The following IPO9 variants were observed in gnomAD, a reference collection of about 807,000 sequenced individuals.
IPO9 encodes the protein importin-9.
Under a neutral mutation model 128.6 loss-of-function variants are expected in IPO9, and 28 were observed. The ratio of observed to expected loss-of-function variants is 0.22; its 90% confidence interval spans 0.16 to 0.30. The LOEUF (loss-of-function observed/expected upper bound fraction) is 0.30, where lower values mean the gene tolerates loss of function less well. Ranked by LOEUF, IPO9 falls within the 10% of genes least tolerant of loss-of-function variation. The pLI is 1.00. For synonymous variants in IPO9, 455 were observed against 475.8 expected, an observed-to-expected ratio of 0.96 and a Z score of 0.57; for missense variants, 935 against 1,293.9, an observed-to-expected ratio of 0.72 and a Z score of 4.26.
At position 201,868,775 on chromosome 1, in the gene IPO9, G is replaced by A; in HGVS notation, c.1983G>A (p.Lys661=). ...GCATAATGCAGGCCCCAGCAGACAA[G>A]ATTCCTGCAGGGCTTTGTGCGGTAA... is the stretch of plus-strand genomic sequence containing the variant. ...LVSIMQAPAD[K]IPAGLCATAI... is the part of the protein sequence containing the mutation. The change falls in exon 16 of 24, where the codon AAG becomes AAA. Residue 661 remains lysine (K), a synonymous_variant. Coordinates refer to ENST00000361565, the MANE Select transcript of IPO9 (RefSeq NM_018085.5). 1 of 1,612,820 alleles carries A rather than the reference G, an allele frequency of 6.2e-7. No individual in the cohort carries two copies. The highest frequency in any genetic ancestry group is 8.5e-7 in the Non-Finnish European group (1 of 1,179,658).
At chr1:201,847,437 C>T in intron 2 of IPO9, 97 bp downstream of exon 2, 2 of 1,363,374 alleles carry the variant, frequency 1.5e-6, no homozygotes, top group Non-Finnish European at 2.1e-6. Flanking sequence ...TATAAATAAC[C>T]TAGGATGTTG....
At chr1:201,847,704 T>C in intron 3 of IPO9, 66 bp downstream of exon 3, 1 of 1,119,560 alleles carries the variant, frequency 8.9e-7, no homozygotes, top group South Asian at 1.3e-5. Context: ...GATTAGACTA[T>C]AACATTCTTT....
chr1:201,836,728 T>G (rs1679948183), intron 1 of IPO9, among the ~76,000 whole-genome samples: 1 of 152,222 alleles, frequency 6.6e-6, no homozygotes, highest in African/African-American at 2.4e-5. Context: ...TTGGGTTAAG[T>G]AAAAGAATTT....
chr1:201,875,952 C>T lies in IPO9; in HGVS notation c.3024C>T (p.Leu1008=). 6.2e-7 allele frequency: 1 copy of T among 1,607,272 alleles called. No homozygotes were observed. The highest frequency in any genetic ancestry group is 1.1e-5 in the South Asian group (1 of 90,978). Residue 1008 remains leucine, a synonymous_variant, in exon 24 of 24, where the codon CTC becomes CTT. Transcript: ENST00000361565. ...PLYQIDLQAY[L]TDFLCQFAQQ... ...CTTGCTCTTTCCTCCAGGCATATCTCACAGATTTCCTCTGCCAGTTTGCTC... is the reference window on the plus strand; with the variant it reads ...CTTGCTCTTTCCTCCAGGCATATCTTACAGATTTCCTCTGCCAGTTTGCTC...
At chr1:201,863,266 T>C in intron 13 of IPO9, 182 bp from the exon 14 acceptor site, 2 of 423,654 alleles carry the variant, frequency 4.7e-6, no homozygotes, top group Non-Finnish European at 4.2e-6. Flanking sequence ...GCAGGACAGT[T>C]GCTTGAACCC....
chr1:201,846,861 G>A (rs928923922), intron 1 of IPO9, among the ~76,000 whole-genome samples: 2 of 152,116 alleles, frequency 1.3e-5, no homozygotes, highest in Admixed American at 1.3e-4. Context: ...TAGAGATGGG[G>A]TTTCACCATG....
chr1:201,837,516 C>G (rs1044869505), intron 1 of IPO9, among the ~76,000 whole-genome samples: 4 of 152,258 alleles, frequency 2.6e-5, no homozygotes, highest in African/African-American at 9.6e-5. Flanking sequence ...CAGTATTACC[C>G]TACAGCTATA....
intron 1 of IPO9, among the ~76,000 whole-genome samples, chr1:201,838,229 C>T (rs1236519672): frequency 6.6e-6 from 1 of 152,184 alleles, no homozygotes; most frequent in Non-Finnish European, 1.5e-5. Context: ...AGACTTGAAG[C>T]CATGAAGTCT....
At chr1:201,856,660 GT>G (rs901291626) in intron 10 of IPO9, among the ~76,000 whole-genome samples, 1 of 144,386 alleles carries the variant, frequency 6.9e-6, no homozygotes, top group Non-Finnish European at 1.5e-5. Context: ...TAGAGTTTTT[GT>G]TTCAGTTTTT....
intron 22 of IPO9, 97 bp from the exon 23 acceptor site, chr1:201,875,055 T>C: frequency 7.2e-7 from 1 of 1,380,256 alleles, no homozygotes; most frequent in South Asian, 1.2e-5. Flanking sequence ...CTTGGGCTTT[T>C]GCACCTTCCG....
rs1680797126 is a variant in IPO9 at position 201,877,921 on chromosome 1, C to CT, written c.*1868dup. On this transcript the variant is annotated 3_prime_UTR_variant, in exon 24 of 24. Coordinates refer to ENST00000361565, the MANE Select transcript of IPO9 (RefSeq NM_018085.5). ...CCTGGGCAACAAGAGGAGCGAAACTCTGTCTCAAAAAAAAAAAAGAGAAAG... is the reference window on the plus strand; with the variant it reads ...CCTGGGCAACAAGAGGAGCGAAACTCTTGTCTCAAAAAAAAAAAAGAGAAAG... 6.6e-6 allele frequency: 1 copy of CT among 150,698 alleles called. No homozygotes were observed. The highest frequency in any genetic ancestry group is 6.6e-5 in the Admixed American group (1 of 15,186). The allele number at this position is 150,698 out of a possible 1,614,324, so 9.3% of individuals were successfully genotyped here.
intron 13 of IPO9, 103 bp from the exon 14 acceptor site, chr1:201,863,344 TC>T: frequency 8.5e-7 from 1 of 1,178,402 alleles, no homozygotes; most frequent in South Asian, 1.7e-5. Flanking sequence ...AGAGTGAGAC[TC>T]CATCTCAAAA....
chr1:201,865,199 CTTTT>C (rs201084995), intron 14 of IPO9, among the ~76,000 whole-genome samples: 1 of 132,850 alleles, frequency 7.5e-6, no homozygotes, highest in Non-Finnish European at 1.6e-5. Context: ...AACTATTTTT[CTTTT>C]TTTTTTTTTT....
intron 1 of IPO9, among the ~76,000 whole-genome samples, chr1:201,831,802 A>G (rs1422643957): frequency 1.3e-5 from 2 of 152,166 alleles, no homozygotes; most frequent in Non-Finnish European, 2.9e-5. Flanking sequence ...TCCTATTAGA[A>G]TGCCCTACAG....
intron 1 of IPO9, among the ~76,000 whole-genome samples, chr1:201,830,320 AT>A (rs999395802): frequency 1.3e-5 from 2 of 152,220 alleles, no homozygotes; most frequent in African/African-American, 4.8e-5. Context: ...GATATGGGAA[AT>A]TGTCCCATCA....
At position 201,829,467 on chromosome 1, in the gene IPO9, T is replaced by C. The variant is rs977833233; in HGVS notation, c.163+95T>C. ...TGGGGACATGGGGAGCCTGAGCCAG[T>C]TGGAGATGTGGGCGCCGAGAAGTGG... On this transcript the variant is annotated intron_variant, in intron 1 of 23. Transcript: ENST00000361565. 15 of 1,279,948 alleles carry C rather than the reference T, an allele frequency of 1.2e-5. No homozygotes were observed. The African/African-American group carries it at 2.0e-4, about 17-fold the overall frequency. 79.3% of individuals were successfully genotyped at this position (1,279,948 alleles called of 1,614,324 possible). A position where few individuals can be genotyped will look rare whatever the true frequency, so the allele number is the denominator to read the frequency against.
intron 5 of IPO9, 118 bp downstream of exon 5, chr1:201,852,310 A>G: frequency 3.3e-6 from 2 of 613,316 alleles, no homozygotes; most frequent in Non-Finnish European, 5.8e-6. Context: ...TAGAACTGAC[A>G]AAGATCTGGA....
At chr1:201,857,427 A>T (rs1427562718) in intron 11 of IPO9, among the ~76,000 whole-genome samples, 1 of 152,228 alleles carries the variant, frequency 6.6e-6, no homozygotes, top group African/African-American at 2.4e-5. Context: ...TGTGCAGACC[A>T]TAGGGCCGGG....
At chr1:201,834,209 T>TA (rs1331538902) in intron 1 of IPO9, among the ~76,000 whole-genome samples, 6 of 148,832 alleles carry the variant, frequency 4.0e-5, no homozygotes, top group African/African-American at 1.5e-4. Flanking sequence ...TTTCTTTTCT[T>TA]TTTTTTTTTT....
Sources: gnomAD v4.1 joint callset for allele counts (sites outside exome capture counted in the v4.1 genomes callset) on GRCh38, gnomAD v4.1.1 for gene constraint, MANE v1.5 for transcripts, NCBI Gene and HGNC (gene_info 2026-07-23, HGNC 2026-07-21) for gene names.